The following PTPN2 variants were observed in gnomAD, a reference collection of about 807,000 sequenced individuals.
PTPN2 encodes protein tyrosine phosphatase non-receptor type 2.
Under a neutral mutation model 57.3 loss-of-function variants are expected in PTPN2, and 19 were observed. That is an observed-to-expected ratio of 0.33 (90% CI 0.23 to 0.49). The LOEUF (loss-of-function observed/expected upper bound fraction) is 0.49, where lower values mean the gene tolerates loss of function less well. Among genes scored for constraint, PTPN2 ranks in the 20% least tolerant of loss-of-function variants. PTPN2 has a pLI of 0.99. For missense variants in PTPN2, 358 were observed against 501.1 expected, an observed-to-expected ratio of 0.71 and a Z score of 2.73; for synonymous variants, 153 against 164.9, an observed-to-expected ratio of 0.93 and a Z score of 0.55.
At position 12,836,953 on chromosome 18, in the gene PTPN2, T is replaced by C. The variant is rs575240877; in HGVS notation, c.161-62A>G. The C allele has an allele frequency of 3.1e-6, 3 of 976,204 alleles. No individual in the cohort carries two copies. The South Asian group carries it at 4.2e-5, about 14-fold the overall frequency. 60.5% of individuals were successfully genotyped at this position (976,204 alleles called of 1,614,324 possible). On this transcript the variant is annotated intron_variant, in intron 2 of 8. Coordinates refer to ENST00000309660, the MANE Select transcript of PTPN2 (RefSeq NM_002828.4). ...CAAAATTACTGTTTTTATCTTCATATTAATATTCTAGGTATTTATAAAAAG... is the reference window on the plus strand; with the variant it reads ...CAAAATTACTGTTTTTATCTTCATACTAATATTCTAGGTATTTATAAAAAG...
chr18:12,873,808 T>C (rs2044362898), intron 1 of PTPN2, among the ~76,000 whole-genome samples: 1 of 149,642 alleles, frequency 6.7e-6, no homozygotes, highest in Admixed American at 6.6e-5. Flanking sequence ...GTGATGAGCA[T>C]CTCTGCCCGG....
At chr18:12,883,870 CTTTTT>C (rs397959555) in intron 1 of PTPN2, 198 bp downstream of exon 1, 135 of 389,338 alleles carry the variant, frequency 3.5e-4, no homozygotes, top group Admixed American at 6.0e-4. Flanking sequence ...CTCAAGTATG[CTTTTT>C]TTTTTTTTTT....
intron 1 of PTPN2, among the ~76,000 whole-genome samples, chr18:12,865,705 T>C (rs1177142658): frequency 6.6e-6 from 1 of 151,838 alleles, no homozygotes; most frequent in Non-Finnish European, 1.5e-5. Context: ...CATGTGTCTG[T>C]AGTCCCAGCT....
At chr18:12,810,841 A>T (rs771093495) in intron 7 of PTPN2, among the ~76,000 whole-genome samples, 5 of 152,186 alleles carry the variant, frequency 3.3e-5, no homozygotes, top group Non-Finnish European at 7.3e-5. Context: ...GAGCCCTAAG[A>T]GGGCGCAAAC....
intron 1 of PTPN2, among the ~76,000 whole-genome samples, chr18:12,873,052 C>A (rs967777810): frequency 2.0e-5 from 3 of 152,148 alleles, no homozygotes; most frequent in South Asian, 4.1e-4. Context: ...GAAACCCCAT[C>A]TCTACTAAAA....
chr18:12,854,265 T>C (rs1257496576), intron 2 of PTPN2, among the ~76,000 whole-genome samples: 1 of 142,290 alleles, frequency 7.0e-6, no homozygotes, highest in African/African-American at 2.6e-5. Context: ...GAGGCTGAGG[T>C]GGGAGGATCA....
rs1286119834 is a variant in PTPN2 at position 12,825,795 on chromosome 18, C to T, written c.495+15G>A. On this transcript the variant is annotated intron_variant, in intron 5 of 8. Coordinates refer to ENST00000309660, the MANE Select transcript of PTPN2 (RefSeq NM_002828.4). ...ATCATATAAAGTCCACAATTTCGGG[C>T]AAGAAAGGTCTTACATTGATATTTT... The T allele has an allele frequency of 6.3e-7, 1 of 1,593,060 alleles. No homozygotes were observed. The highest frequency in any genetic ancestry group is 1.8e-5 in the Admixed American group (1 of 56,702).
intron 2 of PTPN2, among the ~76,000 whole-genome samples, chr18:12,848,644 G>T (rs2043292912): frequency 6.6e-6 from 1 of 152,228 alleles, no homozygotes; most frequent in South Asian, 2.1e-4. Flanking sequence ...GTCAACAAGA[G>T]TAAAGAAGTT....
At chr18:12,835,676 G>A (rs563406468) in intron 3 of PTPN2, among the ~76,000 whole-genome samples, 25 of 152,044 alleles carry the variant, frequency 1.6e-4, no homozygotes, top group African/African-American at 6.0e-4. Context: ...GCGCCTGGCC[G>A]ATCACATATA....
chr18:12,878,713 T>C (rs2044574537), intron 1 of PTPN2, among the ~76,000 whole-genome samples: 1 of 152,104 alleles, frequency 6.6e-6, no homozygotes, highest in African/African-American at 2.4e-5. Context: ...CCATTGTTTA[T>C]AAACCCTAAT....
intron 2 of PTPN2, among the ~76,000 whole-genome samples, chr18:12,841,225 T>C (rs2145413984): frequency 6.6e-6 from 1 of 152,132 alleles, no homozygotes; most frequent in Non-Finnish European, 1.5e-5. Flanking sequence ...AAGGGAATGG[T>C]GTAGCGGCAG....
At chr18:12,834,525 G>T (rs994999888) in intron 3 of PTPN2, among the ~76,000 whole-genome samples, 2 of 152,026 alleles carry the variant, frequency 1.3e-5, no homozygotes, top group Non-Finnish European at 2.9e-5. Flanking sequence ...TCATAATAGG[G>T]TTTTTATGAA....
intron 4 of PTPN2, among the ~76,000 whole-genome samples, chr18:12,827,558 T>C (rs2042521054): frequency 6.6e-6 from 1 of 151,808 alleles, no homozygotes; most frequent in African/African-American, 2.4e-5. Flanking sequence ...CTACTTTTTG[T>C]ATTTTTTGTA....
chr18:12,874,533 TGG>T (rs748527941), intron 1 of PTPN2, among the ~76,000 whole-genome samples: 5 of 57,080 alleles, frequency 8.8e-5, no homozygotes, highest in African/African-American at 2.1e-4. Context: ...GGGAGGAAGG[TGG>T]GGGGGGGTCA....
At chr18:12,860,512 G>T (rs1235530528) in intron 1 of PTPN2, among the ~76,000 whole-genome samples, 1 of 152,106 alleles carries the variant, frequency 6.6e-6, no homozygotes, top group Non-Finnish European at 1.5e-5. Flanking sequence ...CAGGAGAATC[G>T]CTTGAAACCG....
At chr18:12,804,224 G>A (rs185836198) in intron 7 of PTPN2, among the ~76,000 whole-genome samples, 8 of 148,268 alleles carry the variant, frequency 5.4e-5, no homozygotes, top group East Asian at 2.0e-4. Context: ...CCCGGGAGGC[G>A]GAGGTTGCAC....
chr18:12,870,297 ATGTG>A lies in PTPN2; in HGVS notation c.70-11047_70-11044del, dbSNP rs1339184503. 1.7e-3 allele frequency among the ~76,000 whole-genome samples: 114 copies of A among 67,572 alleles called. 1 individual carries two copies. The highest frequency in any genetic ancestry group is 8.2e-3 in the African/African-American group (91 of 11,066). The allele number at this position is 67,572 out of a possible 152,430, so 44.3% of individuals were successfully genotyped here. A position where few individuals can be genotyped will look rare whatever the true frequency, so the allele number is the denominator to read the frequency against. ...TGTATATATATACATATACATATAT[ATGTG>A]TATATATACATATATATGTGTATAT... On this transcript the variant is annotated intron_variant, in intron 1 of 8. Transcript: ENST00000309660.
At chr18:12,804,289 CAAA>C (rs59927276) in intron 7 of PTPN2, among the ~76,000 whole-genome samples, 2 of 67,864 alleles carry the variant, frequency 2.9e-5, no homozygotes, top group African/African-American at 1.3e-4. Context: ...GAAACTGTCT[CAAA>C]AAAAAAAAAA....
chr18:12,856,489 A>T (rs2043593757), intron 2 of PTPN2, among the ~76,000 whole-genome samples: 1 of 152,154 alleles, frequency 6.6e-6, no homozygotes, highest in South Asian at 2.1e-4. Context: ...TCCAGAGGAC[A>T]ACCACTGCAT....
Sources: gnomAD v4.1 joint callset for allele counts (sites outside exome capture counted in the v4.1 genomes callset) on GRCh38, gnomAD v4.1.1 for gene constraint, MANE v1.5 for transcripts, NCBI Gene and HGNC (gene_info 2026-07-23, HGNC 2026-07-21) for gene names.